LRP5: variants seen among roughly 807,000 people sequenced by gnomAD.
LRP5 encodes the protein LDL receptor related protein 5, also known as low-density lipoprotein receptor-related protein 5.
In LRP5, 62 loss-of-function variants were observed where a neutral mutation model predicts 154.1. That is an observed-to-expected ratio of 0.40 (90% CI 0.33 to 0.50). LRP5 has a LOEUF of 0.50. LRP5 is among the 20% of genes least tolerant of loss of function. The pLI is 0.55. For synonymous variants in LRP5, 966 were observed against 1,011.5 expected (o/e 0.96, Z 0.85); for missense variants, 1,915 against 2,336.7 (o/e 0.82, Z 3.72).
intron 7 of LRP5, among the ~76,000 whole-genome samples, chr11:68,399,374 TA>T (rs1214002621): frequency 2.1e-4 from 31 of 146,014 alleles, no homozygotes; most frequent in East Asian, 7.9e-4. Context: ...CCTGCCTCTT[TA>T]AAAAAAAAAA....
At chr11:68,323,087 T>G (rs1439951140) in intron 1 of LRP5, among the ~76,000 whole-genome samples, 2 of 152,250 alleles carry the variant, frequency 1.3e-5, no homozygotes, top group Non-Finnish European at 2.9e-5. Flanking sequence ...ATGTTTATAT[T>G]AAAAAGTCTT....
chr11:68,308,465 CATTTCCAA>C (rs1173155694), upstream of LRP5, among the ~76,000 whole-genome samples: 1 of 152,166 alleles, frequency 6.6e-6, no homozygotes, highest in African/African-American at 2.4e-5. Flanking sequence ...TGAGAGTGAA[CATTTCCAA>C]ATTTGAGGCC....
chr11:68,326,278 T>A (rs2098599610), intron 1 of LRP5, among the ~76,000 whole-genome samples: 1 of 152,092 alleles, frequency 6.6e-6, no homozygotes, highest in Non-Finnish European at 1.5e-5. Context: ...TATTTGTAGG[T>A]GTCACCAGAG....
At chr11:68,398,683 GAAAATTATATGGAATTCAAAAAAAA>G (rs1188860287) in intron 7 of LRP5, among the ~76,000 whole-genome samples, 1 of 148,892 alleles carries the variant, frequency 6.7e-6, no homozygotes, top group African/African-American at 2.5e-5. Context: ...CATGACCCAT[GAAAATTATATGGAATTCAAAAAAAA>G]AAAATTATAT....
upstream of LRP5, among the ~76,000 whole-genome samples, chr11:68,311,056 C>T (rs2098587485): frequency 1.3e-5 from 2 of 152,062 alleles, no homozygotes; most frequent in South Asian, 4.1e-4. Flanking sequence ...AGTGGGGACG[C>T]ATGAGTGGGT....
chr11:68,398,893 C>G (rs1419684685), intron 7 of LRP5, among the ~76,000 whole-genome samples: 1 of 152,042 alleles, frequency 6.6e-6, no homozygotes, highest in East Asian at 1.9e-4. Flanking sequence ...TGCCACCAAG[C>G]CCGGCTAATT....
chr11:68,432,177 G>A (rs1168912034), intron 17 of LRP5, among the ~76,000 whole-genome samples: 3 of 152,230 alleles, frequency 2.0e-5, no homozygotes, highest in Non-Finnish European at 4.4e-5. Flanking sequence ...ACAGGAGCTT[G>A]TGGTGCCCAG....
At chr11:68,374,651 G>A (rs2098636327) in intron 5 of LRP5, among the ~76,000 whole-genome samples, 1 of 152,148 alleles carries the variant, frequency 6.6e-6, no homozygotes, top group Non-Finnish European at 1.5e-5. Context: ...CTACCACTGG[G>A]AAAGTTCCCG....
rs1217880694 is a variant in LRP5 at position 68,394,468 on chromosome 11, C to CT, written c.1584+4431dup. ...GTGAGCACTGCGTGTTGATTACCCA[C>CT]TTTTTTTTTTTTTTTGAGGTGGAGT... is the stretch of plus-strand genomic sequence containing the variant. On this transcript the variant is annotated intron_variant, in intron 7 of 22. Coordinates refer to ENST00000294304, the MANE Select transcript of LRP5 (RefSeq NM_002335.4). 8.2e-3 allele frequency among the ~76,000 whole-genome samples: 1,149 copies of CT among 139,938 alleles called. 6 individuals carry two copies. The highest frequency in any genetic ancestry group is 0.022 in the African/African-American group (814 of 36,222). The allele number at this position is 139,938 out of a possible 152,430, so 91.8% of individuals were successfully genotyped here. A position where few individuals can be genotyped will look rare whatever the true frequency, so the allele number is the denominator to read the frequency against.
chr11:68,392,509 A>G (rs1413835473), intron 7 of LRP5, among the ~76,000 whole-genome samples: 1 of 152,142 alleles, frequency 6.6e-6, no homozygotes. Context: ...GTCTTGAAAA[A>G]TAAATAAATA....
At chr11:68,429,514 G>T in intron 16 of LRP5, 61 bp from the exon 17 acceptor site, 1 of 1,610,858 alleles carries the variant, frequency 6.2e-7, no homozygotes, top group Non-Finnish European at 8.5e-7. Context: ...TACCCTCCAG[G>T]CTGTGGTTCT....
At chr11:68,330,012 A>G (rs1332330404) in intron 1 of LRP5, among the ~76,000 whole-genome samples, 1 of 152,254 alleles carries the variant, frequency 6.6e-6, no homozygotes, top group Non-Finnish European at 1.5e-5. Flanking sequence ...TAATTAGTGA[A>G]AACGCACATT....
At chr11:68,419,701 C>G (rs1199102015) in intron 13 of LRP5, among the ~76,000 whole-genome samples, 1 of 151,992 alleles carries the variant, frequency 6.6e-6, no homozygotes, top group South Asian at 2.1e-4. Context: ...CATCACTATG[C>G]CTGGCTAATT....
chr11:68,341,082 A>G (rs996721373), intron 1 of LRP5, among the ~76,000 whole-genome samples: 13 of 49,716 alleles, frequency 2.6e-4, no homozygotes, highest in African/African-American at 1.2e-3. Flanking sequence ...TTTTTTTGCT[A>G]TTACAAATAA....
At chr11:68,314,723 G>A (rs1435245896) in intron 1 of LRP5, among the ~76,000 whole-genome samples, 2 of 152,232 alleles carry the variant, frequency 1.3e-5, no homozygotes, top group Admixed American at 1.3e-4. Flanking sequence ...TCTCCCCCTG[G>A]AGGTTCCTCC....
chr11:68,383,414 CA>C (rs984376682), intron 5 of LRP5, among the ~76,000 whole-genome samples: 1 of 152,178 alleles, frequency 6.6e-6, no homozygotes, highest in Non-Finnish European at 1.5e-5. Context: ...GGGGACCTTC[CA>C]GGACTGTGAT....
Position 68,312,753 on chromosome 11 carries a change from G to T in LRP5, c.39G>T (p.Leu13=). ...AAPPGPPWPL[L]LLLLLLLALC... ...CGCCCGGGCCGCCGTGGCCGCTGCT[G>T]CTGCTGCTGCTGCTGCTGCTGGCGC... The change falls in exon 1 of 23, where the codon CTG becomes CTT. Residue 13 remains leucine, a synonymous_variant. Coordinates refer to ENST00000294304, the MANE Select transcript of LRP5 (RefSeq NM_002335.4). 1 of 1,053,974 alleles carries T rather than the reference G, an allele frequency of 9.5e-7. No individual in the cohort carries two copies. The highest frequency in any genetic ancestry group is 1.2e-6 in the Non-Finnish European group (1 of 860,932). 65.3% of individuals were successfully genotyped at this position (1,053,974 alleles called of 1,614,324 possible).
chr11:68,404,348 A>C, intron 8 of LRP5: 1 of 528,404 alleles, frequency 1.9e-6, no homozygotes, highest in South Asian at 1.5e-5. Flanking sequence ...GCACTCAGTC[A>C]ATCTTTGCTG....
At chr11:68,396,762 C>A (rs2098649624) in intron 7 of LRP5, among the ~76,000 whole-genome samples, 1 of 152,138 alleles carries the variant, frequency 6.6e-6, no homozygotes, top group African/African-American at 2.4e-5. Context: ...CCAGCTGTTG[C>A]CATCATCAGT....
Sources: allele counts gnomAD v4.1 joint callset (sites outside exome capture counted in the v4.1 genomes callset), GRCh38; gene constraint gnomAD v4.1.1; transcripts MANE v1.5; gene names NCBI Gene and HGNC (gene_info 2026-07-23, HGNC 2026-07-21).